Variants in PPP1R9A observed in about 807,000 individuals in gnomAD.
PPP1R9A encodes neurabin-1.
A neutral mutation model predicts 141.9 loss-of-function variants in PPP1R9A; 59 were observed. The ratio of observed to expected loss-of-function variants is 0.42; its 90% CI spans 0.34 to 0.52. The LOEUF (loss-of-function observed/expected upper bound fraction) is 0.52, where lower values mean the gene tolerates loss of function less well. PPP1R9A is among the 20% of genes least tolerant of loss of function. PPP1R9A has a pLI of 0.10. For synonymous variants in PPP1R9A, 500 were observed against 569.7 expected (o/e 0.88, Z 1.74); for missense variants, 1,444 against 1,611.9 (o/e 0.90, Z 1.78).
intron 12 of PPP1R9A, 108 bp downstream of exon 12, chr7:95,252,238 A>G (rs191792807): frequency 8.2e-7 from 1 of 1,217,774 alleles, no homozygotes; most frequent in East Asian, 2.7e-5. Context: ...CCTTCCTACT[A>G]TGGGAAAGAA....
intron 4 of PPP1R9A, among the ~76,000 whole-genome samples, chr7:95,150,004 G>A (rs1828362528): frequency 6.6e-6 from 1 of 152,018 alleles, no homozygotes; most frequent in African/African-American, 2.4e-5. Context: ...CAAAAGAATA[G>A]ACAAAGAGAT....
At chr7:95,264,383 C>T (rs980628152) in intron 12 of PPP1R9A, among the ~76,000 whole-genome samples, 5 of 152,136 alleles carry the variant, frequency 3.3e-5, no homozygotes, top group Admixed American at 6.6e-5. Context: ...CTAGTTCCCT[C>T]GCTGCCTGTA....
At chr7:95,179,390 A>G (rs1285227830) in intron 5 of PPP1R9A, among the ~76,000 whole-genome samples, 1 of 152,162 alleles carries the variant, frequency 6.6e-6, no homozygotes, top group Non-Finnish European at 1.5e-5. Context: ...AGTAAAAGCC[A>G]TCTATGACAA....
intron 2 of PPP1R9A, among the ~76,000 whole-genome samples, chr7:94,963,812 G>A (rs1797907977): frequency 6.6e-6 from 1 of 152,120 alleles, no homozygotes; most frequent in African/African-American, 2.4e-5. Context: ...TAGAGAATAA[G>A]CAGAAAAACC....
At chr7:94,907,917 G>A (rs1466023757) in intron 1 of PPP1R9A, 10 of 147,620 alleles carry the variant, frequency 6.8e-5, no homozygotes, top group South Asian at 2.1e-4. Context: ...GCGCCTCCCG[G>A]GGCCGCCCGC....
intron 2 of PPP1R9A, among the ~76,000 whole-genome samples, chr7:95,088,576 A>AT (rs1243693425): frequency 7.2e-5 from 11 of 151,958 alleles, no homozygotes; most frequent in African/African-American, 1.9e-4. Context: ...ATTGAACAAT[A>AT]TTTTTTTTCT....
At chr7:95,123,264 C>T (rs1822958545) in intron 4 of PPP1R9A, among the ~76,000 whole-genome samples, 1 of 152,156 alleles carries the variant, frequency 6.6e-6, no homozygotes, top group Admixed American at 6.5e-5. Context: ...CATTTATTTC[C>T]TCAGTCCTTT....
chr7:95,276,799 C>A (rs1311799590), intron 16 of PPP1R9A, among the ~76,000 whole-genome samples: 1 of 151,978 alleles, frequency 6.6e-6, no homozygotes, highest in Non-Finnish European at 1.5e-5. Flanking sequence ...TTTTCTCTTG[C>A]AAGAAAAAAA....
chr7:94,937,671 T>C (rs980750320), intron 2 of PPP1R9A, among the ~76,000 whole-genome samples: 7 of 152,118 alleles, frequency 4.6e-5, no homozygotes, highest in African/African-American at 1.7e-4. Context: ...TTCTCCTAAT[T>C]AGAAATCAGG....
At chr7:94,991,655 G>A (rs1801529659) in intron 2 of PPP1R9A, among the ~76,000 whole-genome samples, 1 of 151,076 alleles carries the variant, frequency 6.6e-6, no homozygotes, top group Non-Finnish European at 1.5e-5. Context: ...TATTTTTTTA[G>A]TTTTTAAATT....
At chr7:95,013,358 C>A (rs1256080105) in intron 2 of PPP1R9A, among the ~76,000 whole-genome samples, 1 of 152,102 alleles carries the variant, frequency 6.6e-6, no homozygotes, top group Non-Finnish European at 1.5e-5. Flanking sequence ...CATCCATTTA[C>A]ACAGTTCAGT....
intron 8 of PPP1R9A, among the ~76,000 whole-genome samples, chr7:95,237,479 A>C (rs1375582072): frequency 2.0e-5 from 3 of 152,020 alleles, no homozygotes; most frequent in Non-Finnish European, 2.9e-5. Flanking sequence ...TACAGGCATG[A>C]GCCACCATGC....
At chr7:95,019,673 A>G (rs547489794) in intron 2 of PPP1R9A, among the ~76,000 whole-genome samples, 6 of 152,358 alleles carry the variant, frequency 3.9e-5, no homozygotes, top group Non-Finnish European at 7.3e-5. Context: ...GGTTGTTATC[A>G]GAGAAGTGCA....
At chr7:95,259,401 G>A (rs1006959927) in intron 12 of PPP1R9A, among the ~76,000 whole-genome samples, 2 of 151,680 alleles carry the variant, frequency 1.3e-5, no homozygotes, top group Admixed American at 6.6e-5. Context: ...AACCACAAAA[G>A]AGTTTTTAAG....
intron 2 of PPP1R9A, among the ~76,000 whole-genome samples, chr7:94,942,158 A>G (rs1795399192): frequency 6.6e-6 from 1 of 152,168 alleles, no homozygotes. Context: ...CAGTCAGAAT[A>G]TATTTCTCCA....
At chr7:95,269,741 A>G (rs75761564) in intron 14 of PPP1R9A, among the ~76,000 whole-genome samples, 1 of 152,268 alleles carries the variant, frequency 6.6e-6, no homozygotes, top group Non-Finnish European at 1.5e-5. Flanking sequence ...TAAGTTTACT[A>G]CTCAAGGGAG....
chr7:95,167,009 A>C (rs116523370), intron 5 of PPP1R9A, among the ~76,000 whole-genome samples: 308 of 152,210 alleles, frequency 2.0e-3, no homozygotes, highest in African/African-American at 7.1e-3. Flanking sequence ...AGAAGGAAAA[A>C]ACCTGTATTA....
At chr7:95,098,342 A>G (rs1267926979) in intron 2 of PPP1R9A, 1 of 152,102 alleles carries the variant, frequency 6.6e-6, no homozygotes, top group Non-Finnish European at 1.5e-5. Context: ...GTCGGCATTA[A>G]CATTTTTTGG....
At chr7:95,102,373 T>C (rs1174953559) in intron 2 of PPP1R9A, among the ~76,000 whole-genome samples, 4 of 152,216 alleles carry the variant, frequency 2.6e-5, no homozygotes, top group African/African-American at 9.6e-5. Flanking sequence ...GTATGAATAG[T>C]TGAAGACTTG....
Sources: allele counts gnomAD v4.1 joint callset (sites outside exome capture counted in the v4.1 genomes callset), GRCh38; gene constraint gnomAD v4.1.1; transcripts MANE v1.5; gene names NCBI Gene and HGNC (gene_info 2026-07-23, HGNC 2026-07-21).